Variants in MYO18A observed in about 807,000 individuals in gnomAD.
MYO18A encodes the protein myosin XVIIIA, also known as unconventional myosin-XVIIIa.
MYO18A carries 78 observed loss-of-function variants against 235.8 expected under a neutral mutation model. That is an observed-to-expected ratio of 0.33 (90% CI 0.28 to 0.40). The LOEUF (loss-of-function observed/expected upper bound fraction) is 0.40, where lower values mean the gene tolerates loss of function less well. Among genes scored for constraint, MYO18A ranks in the 10% least tolerant of loss-of-function variants. MYO18A has a pLI of 1.00. For missense variants in MYO18A, 2,215 were observed against 2,699.3 expected, an observed-to-expected ratio of 0.82 and a Z score of 3.98; for synonymous variants, 977 against 1,077.8, an observed-to-expected ratio of 0.91 and a Z score of 1.83.
At chr17:29,135,496 T>C (rs1375577491) in intron 2 of MYO18A, among the ~76,000 whole-genome samples, 1 of 152,274 alleles carries the variant, frequency 6.6e-6, no homozygotes, top group African/African-American at 2.4e-5. Flanking sequence ...TTTTGCTTTG[T>C]TGACTTCTGT....
intron 2 of MYO18A, among the ~76,000 whole-genome samples, chr17:29,163,434 G>A (rs1188787305): frequency 6.6e-6 from 1 of 152,212 alleles, no homozygotes; most frequent in Admixed American, 6.5e-5. Flanking sequence ...CCTGCCACAT[G>A]GCTCTAGGAG....
At chr17:29,169,637 C>T (rs574219333) in intron 1 of MYO18A, among the ~76,000 whole-genome samples, 7 of 152,126 alleles carry the variant, frequency 4.6e-5, no homozygotes, top group African/African-American at 1.4e-4. Flanking sequence ...CCACTGCCTG[C>T]ACCATCTTAA....
In MYO18A at chr17:29,074,958, A is replaced by G; in HGVS notation, c.6021-44T>C. 6.2e-7 allele frequency: 1 copy of G among 1,607,264 alleles called. No individual in the cohort carries two copies. The highest frequency in any genetic ancestry group is 8.5e-7 in the Non-Finnish European group (1 of 1,174,692). ...AAGGTTAGGGACAAATGACACTCCT[A>G]CCATTAAGCACGCACGCCTTTGGTT... On this transcript the variant is annotated intron_variant, in intron 41 of 41. Coordinates refer to ENST00000527372, the MANE Select transcript of MYO18A (RefSeq NM_078471.4). This position sits in a 1 kb window ranked among gnomAD's most constrained non-coding sequence, Gnocchi z 4.4.
At chr17:29,103,520 G>C in intron 21 of MYO18A, 79 bp downstream of exon 21, 1 of 1,393,484 alleles carries the variant, frequency 7.2e-7, no homozygotes, top group Non-Finnish European at 1.0e-6. Flanking sequence ...GCTGAGCAAA[G>C]AGAACAGGAG....
intron 21 of MYO18A, among the ~76,000 whole-genome samples, chr17:29,102,582 G>A (rs994457827): frequency 5.9e-5 from 9 of 152,204 alleles, no homozygotes; most frequent in Admixed American, 3.3e-4. Flanking sequence ...AGAGAACAAG[G>A]AGAGAAACAG....
At position 29,072,404 on chromosome 17, in the gene MYO18A, T is replaced by C. The variant is rs1269883925; in HGVS notation, c.*2366A>G. 1 of 152,034 alleles carries C rather than the reference T, an allele frequency of 6.6e-6. No homozygotes were observed. Among genetic ancestry groups the C allele is most frequent in the Non-Finnish European group, 1.5e-5 (1 of 68,038 alleles). 9.4% of individuals were successfully genotyped at this position (152,034 alleles called of 1,614,324 possible). ...GCCAGGCGTGGTGGTACACGTCTGT[T>C]AAGTCCCAGCTACTCGGAGGGTTTA... On this transcript the variant is annotated 3_prime_UTR_variant, in exon 42 of 42. Transcript: ENST00000527372.
In MYO18A at chr17:29,114,057, G is replaced by T; in HGVS notation, c.2552C>A (p.Thr851Lys). Residue 851 changes from threonine to lysine, a missense_variant, in exon 15 of 42, where the codon ACG (threonine) becomes AAG (lysine). Thr to Lys is a moderately conservative substitution (Grantham distance 78). Transcript: ENST00000527372. The part of the protein sequence containing the change: ...ELAFDDLEPP[T>K]DDSVAAVDQA... The stretch of plus-strand genomic sequence containing the variant: ...GTCCACAGCAGCCACAGAGTCATCC[G>T]TCGGGGGTTCCAAGTCGTCAAACGC... 1 of 1,604,522 alleles carries T rather than the reference G, an allele frequency of 6.2e-7. No homozygotes were observed. The highest frequency in any genetic ancestry group is 8.5e-7 in the Non-Finnish European group (1 of 1,175,762).
At chr17:29,103,418 C>G (rs1439910785) in intron 21 of MYO18A, among the ~76,000 whole-genome samples, 181 bp downstream of exon 21, 1 of 152,232 alleles carries the variant, frequency 6.6e-6, no homozygotes, top group Non-Finnish European at 1.5e-5. Context: ...AGCTCCCTGG[C>G]CCCTGGCCCT....
intron 20 of MYO18A, among the ~76,000 whole-genome samples, chr17:29,104,997 G>A (rs553378066): frequency 2.2e-4 from 34 of 151,978 alleles, no homozygotes; most frequent in African/African-American, 8.2e-4. Context: ...TGGCTAACAT[G>A]GTGAAACCCC....
At chr17:29,136,250 A>ATATATATAT (rs1555536337) in intron 2 of MYO18A, among the ~76,000 whole-genome samples, 8 of 82,458 alleles carry the variant, frequency 9.7e-5, no homozygotes, top group African/African-American at 3.2e-4. Flanking sequence ...AAAAAAAAAA[A>ATATATATAT]ATATATATAT....
chr17:29,167,854 G>A (rs772952362), intron 1 of MYO18A, among the ~76,000 whole-genome samples: 3 of 152,114 alleles, frequency 2.0e-5, no homozygotes. Context: ...CTTAGCCACC[G>A]CCTAACAGAA....
intron 2 of MYO18A, among the ~76,000 whole-genome samples, chr17:29,149,521 C>T (rs2067924863): frequency 6.6e-6 from 1 of 152,222 alleles, no homozygotes; most frequent in African/African-American, 2.4e-5. Context: ...TTGGCACACC[C>T]ATCAGTTTGC....
rs1555532997 is a variant in MYO18A, at chr17:29,116,613, G to GCACACACACGCACACA, written c.2039-159_2039-158insTGTGTGCGTGTGTGTG. Among the ~76,000 whole-genome samples, 22 of 144,928 alleles carry GCACACACACGCACACA rather than the reference G, an allele frequency of 1.5e-4. No individual in the cohort carries two copies. The East Asian group carries it at 2.1e-3, about 14-fold the overall frequency. ...AACCACAGTCAGACTTGGGACAAAC[G>GCACACACACGCACACA]CACACACACACAGTCTCCAGGGAGT... On this transcript the variant is annotated intron_variant, in intron 10 of 41. Transcript: ENST00000527372.
intron 33 of MYO18A, 34 bp from the exon 34 acceptor site, chr17:29,092,490 T>C: frequency 1.3e-6 from 2 of 1,552,750 alleles, no homozygotes; most frequent in Non-Finnish European, 1.8e-6. Flanking sequence ...CAGGGAGAGA[T>C]GTCAGCCATT....
intron 41 of MYO18A, chr17:29,076,588 T>C (rs576203891): frequency 6.6e-6 from 1 of 152,318 alleles, no homozygotes; most frequent in South Asian, 2.1e-4. Flanking sequence ...CAAACTAGAC[T>C]GAACATAAAT....
chr17:29,177,615 G>T (rs1003860321), intron 1 of MYO18A, among the ~76,000 whole-genome samples: 33 of 152,112 alleles, frequency 2.2e-4, no homozygotes, highest in African/African-American at 7.5e-4. Flanking sequence ...AGCACCCGGG[G>T]GTCTGACCCA....
Position 29,118,980 on chromosome 17 carries a change from G to C in MYO18A, c.1829+355C>G, listed in dbSNP as rs1218957654. Among the ~76,000 whole-genome samples, 8 of 152,212 alleles carry C rather than the reference G, an allele frequency of 5.3e-5. No homozygotes were observed. On this transcript the variant is annotated intron_variant, in intron 8 of 41. Transcript: ENST00000527372. This position sits in a 1 kb window ranked among gnomAD's most constrained non-coding sequence, Gnocchi z 4.2. ...TCAGCCCCCTACCAGTCATGCGACAGTAGGCAAGTCCCCAACCACTGGTAC... is the reference window on the plus strand; with the variant it reads ...TCAGCCCCCTACCAGTCATGCGACACTAGGCAAGTCCCCAACCACTGGTAC...
chr17:29,112,283 G>A (rs2066950016), intron 15 of MYO18A, among the ~76,000 whole-genome samples: 1 of 152,258 alleles, frequency 6.6e-6, no homozygotes, highest in Non-Finnish European at 1.5e-5. Flanking sequence ...TGGCCCTAAG[G>A]AAGCTGTCAG....
rs1232713078 is a variant in MYO18A, at chr17:29,121,848, T to C, written c.1194+3A>G. ...CCCCACACCCAGCCCCCTGCCCACC[T>C]ACCTTCTCAACGTCATCCTCATCCA... On this transcript the variant is annotated splice_donor_region_variant and intron_variant, in intron 4 of 41. Coordinates refer to ENST00000527372, the MANE Select transcript of MYO18A (RefSeq NM_078471.4). The surrounding 1 kb of genome is among the most constrained non-coding windows in gnomAD (Gnocchi z 4.2). 1 of 1,599,746 alleles carries C rather than the reference T, an allele frequency of 6.3e-7. No individual in the cohort carries two copies. Among genetic ancestry groups the C allele is most frequent in the Admixed American group, 1.7e-5 (1 of 59,978 alleles).
Sources: allele counts gnomAD v4.1 joint callset (sites outside exome capture counted in the v4.1 genomes callset), GRCh38; gene constraint gnomAD v4.1.1; non-coding constraint Gnocchi (gnomAD v3.1); transcripts MANE v1.5; gene names NCBI Gene and HGNC (gene_info 2026-07-23, HGNC 2026-07-21).